Variants in ST8SIA5 observed in about 807,000 individuals in gnomAD.
ST8SIA5 encodes the protein alpha-2,8-sialyltransferase 8E.
A neutral mutation model predicts 40.2 loss-of-function variants in ST8SIA5; 24 were observed. The observed-to-expected ratio is 0.60, with a 90% CI of 0.43 to 0.84. ST8SIA5 has a LOEUF of 0.84. ST8SIA5 is among the 40% of genes least tolerant of loss of function. ST8SIA5 has a pLI of 0.00. For synonymous variants in ST8SIA5, 198 were observed against 201.8 expected (o/e 0.98, Z 0.16); for missense variants, 465 against 498.5 (o/e 0.93, Z 0.64).
chr18:46,698,928 G>C (rs1202653369), intron 2 of ST8SIA5, among the ~76,000 whole-genome samples: 2 of 152,180 alleles, frequency 1.3e-5, no homozygotes, highest in African/African-American at 2.4e-5. Flanking sequence ...GAAAAAGAAA[G>C]AAACATGTAC....
In ST8SIA5 at chr18:46,680,014, G is replaced by C; in HGVS notation, c.*28C>G. 1.3e-6 allele frequency: 2 copies of C among 1,576,914 alleles called. No individual in the cohort carries two copies. Among genetic ancestry groups the C allele is most frequent in the Non-Finnish European group, 1.7e-6 (2 of 1,160,406 alleles). ...GAGGGACAGCAGGAGAGGGGGCGCC[G>C]CTTGCCGGGCAGCCTGGCTGGCAGC... On this transcript the variant is annotated 3_prime_UTR_variant, in exon 7 of 7. Coordinates refer to ENST00000315087, the MANE Select transcript of ST8SIA5 (RefSeq NM_013305.6).
At chr18:46,713,325 C>T (rs1294029090) in intron 1 of ST8SIA5, among the ~76,000 whole-genome samples, 4 of 152,090 alleles carry the variant, frequency 2.6e-5, no homozygotes, top group South Asian at 4.1e-4. Flanking sequence ...GAACAACTAG[C>T]GGGATGACAT....
intron 1 of ST8SIA5, among the ~76,000 whole-genome samples, chr18:46,734,049 T>TC (rs1328165880): frequency 6.6e-6 from 1 of 151,874 alleles, no homozygotes; most frequent in Non-Finnish European, 1.5e-5. Flanking sequence ...CATCCCCAGG[T>TC]CCAGGTAAGG....
intron 5 of ST8SIA5, chr18:46,685,962 T>C (rs2039442140): frequency 1.7e-6 from 1 of 585,134 alleles, no homozygotes; most frequent in African/African-American, 1.9e-5. Flanking sequence ...ACATCTCCCA[T>C]TGTGCAGATG....
intron 1 of ST8SIA5, among the ~76,000 whole-genome samples, chr18:46,752,510 A>G (rs140633589): frequency 2.6e-5 from 4 of 152,304 alleles, no homozygotes; most frequent in Admixed American, 6.5e-5. Context: ...TGCTTTCTCC[A>G]TTAGAGACAC....
At chr18:46,692,409 C>T (rs1347868495) in intron 2 of ST8SIA5, among the ~76,000 whole-genome samples, 154 bp from the exon 3 acceptor site, 2 of 145,326 alleles carry the variant, frequency 1.4e-5, no homozygotes, top group East Asian at 4.0e-4. Context: ...TTCTTTGTTT[C>T]TTTTTTTTTT....
chr18:46,713,958 T>TG (rs2039759731), intron 1 of ST8SIA5, among the ~76,000 whole-genome samples: 3 of 152,076 alleles, frequency 2.0e-5, no homozygotes, highest in Admixed American at 2.0e-4. Context: ...GTGGAGAGGA[T>TG]GGGATGTCTC....
rs1048451021 is a variant in ST8SIA5 at position 46,673,959 on chromosome 18, G to A, written c.*6083C>T. 2.0e-5 allele frequency: 3 copies of A among 152,206 alleles called. No individual in the cohort carries two copies. The highest frequency in any genetic ancestry group is 2.9e-5 in the Non-Finnish European group (2 of 68,088). The allele number at this position is 152,206 out of a possible 1,614,324, so 9.4% of individuals were successfully genotyped here. A position where few individuals can be genotyped will look rare whatever the true frequency, so the allele number is the denominator to read the frequency against. ...CAGGGAGGAGACTAGGTCAGGGCGTGTGTTGAGCTCAGAGAAGCAGCACCT... is the reference window on the plus strand; with the variant it reads ...CAGGGAGGAGACTAGGTCAGGGCGTATGTTGAGCTCAGAGAAGCAGCACCT... On this transcript the variant is annotated 3_prime_UTR_variant, in exon 7 of 7. Coordinates refer to ENST00000315087, the MANE Select transcript of ST8SIA5 (RefSeq NM_013305.6).
chr18:46,688,372 A>G (rs528362528), intron 4 of ST8SIA5, among the ~76,000 whole-genome samples: 47 of 152,350 alleles, frequency 3.1e-4, no homozygotes, highest in Admixed American at 2.8e-3. Flanking sequence ...TGAATCTTTC[A>G]GAGTCTAGAT....
chr18:46,756,674 G>A lies in ST8SIA5; in HGVS notation c.-166C>T. The stretch of plus-strand genomic sequence containing the variant: ...TTCTGGTTGGCGCGGCCGGAGCTGG[G>A]GGCATCCAAGCGTCGCAGGCGCTGG... On this transcript the variant is annotated 5_prime_UTR_variant, in exon 1 of 7. Coordinates refer to ENST00000315087, the MANE Select transcript of ST8SIA5 (RefSeq NM_013305.6). 1 of 775,264 alleles carries A rather than the reference G, an allele frequency of 1.3e-6. No individual in the cohort carries two copies. Among genetic ancestry groups the A allele is most frequent in the South Asian group, 2.0e-5 (1 of 49,960 alleles). The allele number at this position is 775,264 out of a possible 1,614,324, so 48.0% of individuals were successfully genotyped here. A position where few individuals can be genotyped will look rare whatever the true frequency, so the allele number is the denominator to read the frequency against.
intron 1 of ST8SIA5, among the ~76,000 whole-genome samples, chr18:46,744,239 T>C (rs946796336): frequency 2.6e-4 from 39 of 152,220 alleles, no homozygotes; most frequent in African/African-American, 8.9e-4. Context: ...GTAAATGGAC[T>C]AAATGCTCCA....
intron 1 of ST8SIA5, among the ~76,000 whole-genome samples, chr18:46,724,385 C>T (rs2039893676): frequency 6.6e-6 from 1 of 152,224 alleles, no homozygotes. Flanking sequence ...GTGGGGAGCT[C>T]AGAGGAAAAG....
At chr18:46,714,610 T>TC (rs1344638045) in intron 1 of ST8SIA5, among the ~76,000 whole-genome samples, 2 of 151,776 alleles carry the variant, frequency 1.3e-5, no homozygotes, top group Non-Finnish European at 2.9e-5. Flanking sequence ...GGGAGTGCTA[T>TC]CCCCCCACGG....
chr18:46,715,659 A>C (rs1043046752), intron 1 of ST8SIA5, among the ~76,000 whole-genome samples: 2 of 152,012 alleles, frequency 1.3e-5, no homozygotes, highest in African/African-American at 4.8e-5. Context: ...AGCTCACTGC[A>C]GCCTCGAACT....
rs1444661908 is a variant in ST8SIA5 at position 46,668,122 on chromosome 18, G to A, written c.*11920C>T. 6.6e-6 allele frequency: 1 copy of A among 152,272 alleles called. No homozygotes were observed. Among genetic ancestry groups the A allele is most frequent in the Non-Finnish European group, 1.5e-5 (1 of 68,080 alleles). The allele number at this position is 152,272 out of a possible 1,614,324, so 9.4% of individuals were successfully genotyped here. On this transcript the variant is annotated 3_prime_UTR_variant, in exon 7 of 7. Coordinates refer to ENST00000315087, the MANE Select transcript of ST8SIA5 (RefSeq NM_013305.6). Reference sequence around the variant, plus strand: ...CCAGGGGAGGGAGAAAATCAGCAGAGCAAGCAAGGGGCTTTTCATATAGAT... The same window carrying A: ...CCAGGGGAGGGAGAAAATCAGCAGAACAAGCAAGGGGCTTTTCATATAGAT...
At chr18:46,692,623 G>A (rs780938103) in intron 2 of ST8SIA5, among the ~76,000 whole-genome samples, 1 of 151,976 alleles carries the variant, frequency 6.6e-6, no homozygotes, top group African/African-American at 2.4e-5. Context: ...GGCTGGTTTC[G>A]AGCTCCTGAC....
chr18:46,722,540 A>T (rs1458217162), intron 1 of ST8SIA5, among the ~76,000 whole-genome samples: 2 of 152,154 alleles, frequency 1.3e-5, no homozygotes, highest in Non-Finnish European at 1.5e-5. Context: ...CTCAAAAGAA[A>T]CAGATATGGA....
At chr18:46,692,595 G>GT (rs2039517449) in intron 2 of ST8SIA5, among the ~76,000 whole-genome samples, 1 of 151,978 alleles carries the variant, frequency 6.6e-6, no homozygotes, top group East Asian at 1.9e-4. Flanking sequence ...TAGCGATGGG[G>GT]TTTCACTATG....
rs576069979 is a variant in ST8SIA5, at chr18:46,705,545, G to T, written c.132-881C>A. On this transcript the variant is annotated intron_variant, in intron 1 of 6. Transcript: ENST00000315087. ...CGGAGCTGGAAGGTGGCAGAGCCAAGATGGGAACCTGCATGCTGACTCAAG... is the reference window on the plus strand; with the variant it reads ...CGGAGCTGGAAGGTGGCAGAGCCAATATGGGAACCTGCATGCTGACTCAAG... Among the ~76,000 whole-genome samples, 10 of 152,378 alleles carry T rather than the reference G, an allele frequency of 6.6e-5. No individual in the cohort carries two copies. In the South Asian group the frequency reaches 8.3e-4, roughly 13 times the overall value.
Sources: gnomAD v4.1 joint callset for allele counts (sites outside exome capture counted in the v4.1 genomes callset) on GRCh38, gnomAD v4.1.1 for gene constraint, MANE v1.5 for transcripts, NCBI Gene and HGNC (gene_info 2026-07-23, HGNC 2026-07-21) for gene names.